Variants in ROBO2 observed in about 807,000 individuals in gnomAD.
ROBO2 encodes the protein roundabout homolog 2.
In ROBO2, 53 loss-of-function variants were observed where a neutral mutation model predicts 160.8. The ratio of observed to expected loss-of-function variants is 0.33; its 90% CI spans 0.26 to 0.41. The LOEUF (loss-of-function observed/expected upper bound fraction) is 0.41. Among genes scored for constraint, ROBO2 ranks in the 10% least tolerant of loss-of-function variants. The pLI is 1.00. For synonymous variants in ROBO2, 664 were observed against 611.7 expected (o/e 1.09, Z -1.26); for missense variants, 1,577 against 1,722.4 (o/e 0.92, Z 1.49).
intron 2 of ROBO2, among the ~76,000 whole-genome samples, chr3:76,326,980 A>T (rs920557760): frequency 6.6e-6 from 1 of 152,054 alleles, no homozygotes; most frequent in Non-Finnish European, 1.5e-5. Context: ...ATAATTTTGT[A>T]TCTTATTTTC....
chr3:76,598,759 T>A (rs1281493982), intron 2 of ROBO2, among the ~76,000 whole-genome samples: 1 of 152,048 alleles, frequency 6.6e-6, no homozygotes, highest in Non-Finnish European at 1.5e-5. Context: ...GGGAAAAAGC[T>A]GAGGGGTGAA....
intron 23 of ROBO2, 85 bp from the exon 25 acceptor site, chr3:77,634,785 G>A (rs575176156): frequency 1.6e-6 from 2 of 1,252,808 alleles, no homozygotes; most frequent in East Asian, 4.6e-5. Context: ...AGATTTACAG[G>A]TTAGTCATAG....
chr3:76,349,188 A>T (rs1256189083), intron 2 of ROBO2, among the ~76,000 whole-genome samples: 2 of 151,974 alleles, frequency 1.3e-5, no homozygotes, highest in Non-Finnish European at 2.9e-5. Context: ...GATTTTTTTA[A>T]AAGTACTTCC....
chr3:77,602,451 AT>A lies in ROBO2; in HGVS notation c.3099del (p.Phe1033LeufsTer140). ...TTCAGCAAAAAACAGATCTGATGGGATTTGGTTATTCTCTACCTGATCAGAA... is the reference window on the plus strand; with the variant it reads ...TTCAGCAAAAAACAGATCTGATGGGATTGGTTATTCTCTACCTGATCAGAA... On this transcript the variant is annotated frameshift_variant, in exon 20 of 26. Transcript: ENST00000461745. LOFTEE classifies it high-confidence loss of function. 6.2e-7 allele frequency: 1 copy of A among 1,614,148 alleles called. No individual in the cohort carries two copies. The highest frequency in any genetic ancestry group is 8.5e-7 in the Non-Finnish European group (1 of 1,180,012).
At chr3:77,431,938 A>G (rs1439273291) in intron 2 of ROBO2, among the ~76,000 whole-genome samples, 1 of 152,160 alleles carries the variant, frequency 6.6e-6, no homozygotes, top group Non-Finnish European at 1.5e-5. Flanking sequence ...ATCATTGTTT[A>G]CAGGGACATC....
At chr3:77,095,165 G>A (rs1310321546) in intron 1 of ROBO2, among the ~76,000 whole-genome samples, 1 of 151,862 alleles carries the variant, frequency 6.6e-6, no homozygotes, top group African/African-American at 2.4e-5. Context: ...TTATATTTAG[G>A]TTGTAGATGT....
chr3:75,929,476 G>A (rs1441958740), intron 1 of ROBO2, among the ~76,000 whole-genome samples: 2 of 152,102 alleles, frequency 1.3e-5, no homozygotes, highest in African/African-American at 2.4e-5. Context: ...TACAATTGTT[G>A]CTCTAGCTTT....
chr3:76,138,132 A>G (rs1194589188), intron 2 of ROBO2, among the ~76,000 whole-genome samples: 1 of 152,032 alleles, frequency 6.6e-6, no homozygotes, highest in Non-Finnish European at 1.5e-5. Flanking sequence ...AGTCTTTTAA[A>G]GAAAACTATA....
intron 4 of ROBO2, among the ~76,000 whole-genome samples, chr3:77,488,638 C>T (rs77438500): frequency 0.024 from 3,682 of 152,210 alleles, 66 homozygotes; most frequent in Non-Finnish European, 0.034. Context: ...TATCAACTTA[C>T]TTTCTAATCC....
chr3:76,343,723 C>T (rs192194592), intron 2 of ROBO2, among the ~76,000 whole-genome samples: 11 of 151,970 alleles, frequency 7.2e-5, no homozygotes, highest in South Asian at 2.1e-4. Flanking sequence ...CCTTAGAAGT[C>T]GAATGCAACC....
In ROBO2 at chr3:76,794,771, C is replaced by T. The variant is rs146243306; in HGVS notation, c.110-303243C>T. Among the ~76,000 whole-genome samples the T allele has an allele frequency of 5.5e-3, 834 of 152,120 alleles. 8 individuals are homozygous for T. Among genetic ancestry groups the T allele is most frequent in the African/African-American group, 0.019 (790 of 41,538 alleles). ...CCCTCATGCTAACTTAGTAGACCTTCGTGGAAGTCTTTTCACAAGCATTTC... is the reference window on the plus strand; with the variant it reads ...CCCTCATGCTAACTTAGTAGACCTTTGTGGAAGTCTTTTCACAAGCATTTC... On this transcript the variant is annotated intron_variant, in intron 2 of 26. Coordinates refer to the ROBO2 transcript ENST00000487694.
chr3:76,635,850 A>G (rs2090301782), intron 2 of ROBO2, among the ~76,000 whole-genome samples: 1 of 152,230 alleles, frequency 6.6e-6, no homozygotes, highest in South Asian at 2.1e-4. Flanking sequence ...ACTTTGGCTT[A>G]GAAAACTTCT....
chr3:76,141,967 A>T (rs528983035), intron 2 of ROBO2, among the ~76,000 whole-genome samples: 1 of 152,120 alleles, frequency 6.6e-6, no homozygotes, highest in South Asian at 2.1e-4. Flanking sequence ...ATGACTAAGA[A>T]GGTCAACAGT....
intron 2 of ROBO2, among the ~76,000 whole-genome samples, chr3:76,530,646 A>G (rs2082174808): frequency 6.6e-6 from 1 of 152,172 alleles, no homozygotes; most frequent in African/African-American, 2.4e-5. Context: ...GCAAAGCCCT[A>G]TTTTAATCAG....
At chr3:75,912,191 C>G (rs1946627131) in intron 1 of ROBO2, among the ~76,000 whole-genome samples, 1 of 152,146 alleles carries the variant, frequency 6.6e-6, no homozygotes. Flanking sequence ...GAGAAGAGTG[C>G]TAGATCACAG....
intron 2 of ROBO2, among the ~76,000 whole-genome samples, chr3:77,318,728 T>G (rs2064334920): frequency 6.6e-6 from 1 of 152,178 alleles, no homozygotes; most frequent in South Asian, 2.1e-4. Flanking sequence ...TAAAGTGAAA[T>G]GCCTAAATAC....
At chr3:76,583,333 GA>G (rs2085825999) in intron 2 of ROBO2, among the ~76,000 whole-genome samples, 1 of 152,264 alleles carries the variant, frequency 6.6e-6, no homozygotes, top group Admixed American at 6.5e-5. Flanking sequence ...AGAACAGGAA[GA>G]AAAAATTATG....
chr3:76,400,685 T>C (rs1312475018), intron 2 of ROBO2, among the ~76,000 whole-genome samples: 1 of 151,614 alleles, frequency 6.6e-6, no homozygotes, highest in Non-Finnish European at 1.5e-5. Flanking sequence ...TAAATTATGT[T>C]TTTTAATAAA....
intron 16 of ROBO2, 108 bp downstream of exon 17, chr3:77,580,226 G>C: frequency 9.9e-7 from 1 of 1,014,740 alleles, no homozygotes; most frequent in Non-Finnish European, 1.5e-6. Context: ...TGAATGATAG[G>C]GTACACATAT....
Sources: allele counts gnomAD v4.1 joint callset (sites outside exome capture counted in the v4.1 genomes callset), GRCh38; gene constraint gnomAD v4.1.1; transcripts MANE v1.5; gene names NCBI Gene and HGNC (gene_info 2026-07-23, HGNC 2026-07-21).